PPARD: variants seen among roughly 807,000 people sequenced by gnomAD.
The protein encoded by PPARD is peroxisome proliferator-activated receptor delta.
PPARD carries 6 observed loss-of-function variants against 39.5 expected under a neutral mutation model. The observed-to-expected ratio is 0.15, with a 90% confidence interval of 0.08 to 0.30. PPARD has a LOEUF of 0.30. PPARD is among the 10% of genes least tolerant of loss of function. The pLI is 1.00. For missense variants in PPARD, 397 were observed against 596.8 expected, an observed-to-expected ratio of 0.67 and a Z score of 3.49; for synonymous variants, 210 against 231.3, an observed-to-expected ratio of 0.91 and a Z score of 0.83.
chr6:35,355,813 G>T (rs1484859264), intron 2 of PPARD, among the ~76,000 whole-genome samples: 1 of 151,420 alleles, frequency 6.6e-6, no homozygotes, highest in East Asian at 2.0e-4. Flanking sequence ...GGGTTTCACG[G>T]TGTTAGCCAG....
Position 35,425,717 on chromosome 6 carries a change from G to C in PPARD, c.1079-115G>C. The C allele has an allele frequency of 7.0e-7, 1 of 1,435,186 alleles. No homozygotes were observed. The highest frequency in any genetic ancestry group is 9.5e-7 in the Non-Finnish European group (1 of 1,054,618). The allele number at this position is 1,435,186 out of a possible 1,614,324, so 88.9% of individuals were successfully genotyped here. On this transcript the variant is annotated intron_variant, in intron 7 of 7. Transcript: ENST00000360694. This position sits in a 1 kb window ranked among gnomAD's most constrained non-coding sequence, Gnocchi z 4.5. ...GAGCATTGCTGATGGGACAGGGCTT[G>C]GTCTGTCACGGCCAAGGAGGCCTGC... is the stretch of plus-strand genomic sequence containing the variant.
At chr6:35,418,190 G>T (rs1019315219) in intron 3 of PPARD, among the ~76,000 whole-genome samples, 1 of 152,234 alleles carries the variant, frequency 6.6e-6, no homozygotes, top group African/African-American at 2.4e-5. Flanking sequence ...CCCAACACGA[G>T]CATATGCTCA....
At chr6:35,406,459 G>A (rs1440895927) in intron 2 of PPARD, among the ~76,000 whole-genome samples, 1 of 152,186 alleles carries the variant, frequency 6.6e-6, no homozygotes, top group Non-Finnish European at 1.5e-5. Flanking sequence ...GATGGAGCAA[G>A]GAGGCCATAT....
In PPARD at chr6:35,412,085, C is replaced by A. The variant is rs1028194988; in HGVS notation, c.130+868C>A. Among the ~76,000 whole-genome samples the A allele has an allele frequency of 6.6e-6, 1 of 152,178 alleles. No homozygotes were observed. The highest frequency in any genetic ancestry group is 1.9e-4 in the East Asian group (1 of 5,174). ...CTGGGATTATAGGCGTGCACCACCA[C>A]GCCCGGCTAATTTTTGTATTTTTTT... On this transcript the variant is annotated intron_variant, in intron 3 of 7. Transcript: ENST00000360694. The surrounding 1 kb of genome is among the most constrained non-coding windows in gnomAD (Gnocchi z 4.1).
intron 2 of PPARD, among the ~76,000 whole-genome samples, chr6:35,381,192 T>TC (rs1763133350): frequency 6.6e-6 from 1 of 152,106 alleles, no homozygotes; most frequent in Non-Finnish European, 1.5e-5. Context: ...AACTACCTCT[T>TC]CCTTCTAGTG....
intron 3 of PPARD, among the ~76,000 whole-genome samples, chr6:35,414,373 T>G (rs1242835788): frequency 1.3e-5 from 2 of 152,176 alleles, no homozygotes; most frequent in Non-Finnish European, 2.9e-5. Flanking sequence ...CCTTCTGTGT[T>G]TTTCTCAACA....
chr6:35,410,930 C>T, intron 2 of PPARD, 57 bp from the exon 3 acceptor site: 1 of 1,255,446 alleles, frequency 8.0e-7, no homozygotes, highest in Non-Finnish European at 1.0e-6. Context: ...CCACTCGCAC[C>T]ATCCTCTTCC....
At chr6:35,343,001 C>G (rs948393946) in intron 1 of PPARD, among the ~76,000 whole-genome samples, 1 of 151,916 alleles carries the variant, frequency 6.6e-6, no homozygotes, top group Non-Finnish European at 1.5e-5. Flanking sequence ...GTGGCTTCGT[C>G]TTCTCCCACT....
intron 2 of PPARD, among the ~76,000 whole-genome samples, chr6:35,390,583 TC>T (rs1176372377): frequency 6.6e-6 from 1 of 152,120 alleles, no homozygotes; most frequent in African/African-American, 2.4e-5. Context: ...TCTATATCTT[TC>T]CTAACACTTT....
At chr6:35,372,123 G>A (rs1762510912) in intron 2 of PPARD, among the ~76,000 whole-genome samples, 1 of 152,242 alleles carries the variant, frequency 6.6e-6, no homozygotes, top group South Asian at 2.1e-4. Context: ...GGATTGTTGT[G>A]AGAATTAGAT....
intron 2 of PPARD, among the ~76,000 whole-genome samples, chr6:35,396,617 T>C (rs1013614987): frequency 1.4e-5 from 2 of 148,126 alleles, no homozygotes; most frequent in Non-Finnish European, 3.0e-5. Context: ...GATCATGAGG[T>C]CAGGAGACAG....
At chr6:35,347,028 CTG>C in intron 1 of PPARD, 37 bp from the exon 2 acceptor site, 1 of 1,352,154 alleles carries the variant, frequency 7.4e-7, no homozygotes, top group Non-Finnish European at 1.0e-6. Flanking sequence ...CCCCTGGCAC[CTG>C]TCAGCTAAAG....
rs1370114858 is a variant in PPARD at position 35,399,414 on chromosome 6, AAAAAAC to A, written c.-101-11569_-101-11564del. On this transcript the variant is annotated intron_variant, in intron 2 of 7. Coordinates refer to ENST00000360694, the MANE Select transcript of PPARD (RefSeq NM_006238.5). ...GACTCTGTCTCAAAAAAAAAAAAAA[AAAAAAC>A]AAAGGCTGGGTGCAGTGGCTCATGC... Among the ~76,000 whole-genome samples the A allele has an allele frequency of 7.1e-4, 107 of 151,548 alleles. 1 individual carries two copies. In the South Asian group the frequency reaches 9.4e-3, roughly 13 times the overall value.
chr6:35,398,044 A>G (rs1018163511), intron 2 of PPARD, among the ~76,000 whole-genome samples: 5 of 152,124 alleles, frequency 3.3e-5, no homozygotes, highest in African/African-American at 1.2e-4. Flanking sequence ...TACTTAATAT[A>G]CCAGAAGGAG....
chr6:35,355,085 A>G (rs1761494934), intron 2 of PPARD, among the ~76,000 whole-genome samples: 1 of 152,090 alleles, frequency 6.6e-6, no homozygotes, highest in Admixed American at 6.5e-5. Flanking sequence ...ACCAGCCCAG[A>G]TTTACAGGCT....
chr6:35,425,033 C>G lies in PPARD; in HGVS notation c.1078+254C>G, dbSNP rs200228242. Reference sequence around the variant, plus strand: ...CACACCTGTAATCCCAGCACTTTGGCAGGCCGAGGCGGGTGGATCACTTGA... The same window carrying G: ...CACACCTGTAATCCCAGCACTTTGGGAGGCCGAGGCGGGTGGATCACTTGA... On this transcript the variant is annotated intron_variant, in intron 7 of 7. Coordinates refer to ENST00000360694, the MANE Select transcript of PPARD (RefSeq NM_006238.5). The surrounding 1 kb of genome is among the most constrained non-coding windows in gnomAD (Gnocchi z 4.5). The G allele has an allele frequency of 1.6e-4, 205 of 1,301,628 alleles. No homozygotes were observed. Among genetic ancestry groups the G allele is most frequent in the Non-Finnish European group, 1.6e-4 (164 of 1,019,884 alleles). 80.6% of individuals were successfully genotyped at this position (1,301,628 alleles called of 1,614,324 possible).
At chr6:35,423,532 CAA>C (rs201523237) in intron 5 of PPARD, among the ~76,000 whole-genome samples, 7 of 109,992 alleles carry the variant, frequency 6.4e-5, no homozygotes, top group Admixed American at 9.7e-5. Flanking sequence ...GACTCTGTCT[CAA>C]AAAAAAAAAA....
chr6:35,367,349 T>C (rs1410587464), intron 2 of PPARD, among the ~76,000 whole-genome samples: 2 of 152,080 alleles, frequency 1.3e-5, no homozygotes, highest in African/African-American at 4.8e-5. Flanking sequence ...AAGGATATGG[T>C]GGTGTGGTGG....
At chr6:35,344,167 G>C (rs1289524612) in intron 1 of PPARD, among the ~76,000 whole-genome samples, 1 of 152,016 alleles carries the variant, frequency 6.6e-6, no homozygotes, top group Non-Finnish European at 1.5e-5. Flanking sequence ...TGTTCTCTTG[G>C]AGTCTCTTCT....
Sources: gnomAD v4.1 joint callset for allele counts (sites outside exome capture counted in the v4.1 genomes callset) on GRCh38, gnomAD v4.1.1 for gene constraint, Gnocchi (gnomAD v3.1) non-coding constraint, MANE v1.5 for transcripts, NCBI Gene and HGNC (gene_info 2026-07-23, HGNC 2026-07-21) for gene names.